CRAMP1: variants seen among roughly 807,000 people sequenced by gnomAD.
CRAMP1 encodes protein cramped-like.
Under a neutral mutation model 115.4 loss-of-function variants are expected in CRAMP1, and 50 were observed. That is an observed-to-expected ratio of 0.43 (90% CI 0.35 to 0.55). CRAMP1 has a LOEUF of 0.55. Among genes scored for constraint, CRAMP1 ranks in the 20% least tolerant of loss-of-function variants. CRAMP1 has a pLI of 0.01. For synonymous variants in CRAMP1, 866 were observed against 745.4 expected (o/e 1.16, Z -2.64); for missense variants, 1,679 against 1,721.7 (o/e 0.98, Z 0.44).
In CRAMP1 at chr16:1,642,235, T is replaced by A. The variant is rs11645289; in HGVS notation, c.827+1048T>A. On this transcript the variant is annotated intron_variant, in intron 6 of 20. Coordinates refer to ENST00000397412, the MANE Select transcript of CRAMP1 (RefSeq NM_020825.4). ...TCACCCTTGGACCTCTGGTTGCTTT[T>A]CCCCTTGGCCCTTCTCCCCCAGGCT... 6.9e-4 allele frequency among the ~76,000 whole-genome samples: 105 copies of A among 152,332 alleles called. 1 individual carries two copies. Among genetic ancestry groups the A allele is most frequent in the Non-Finnish European group, 1.3e-3 (88 of 68,032 alleles).
chr16:1,642,918 C>T lies in CRAMP1; in HGVS notation c.827+1731C>T, dbSNP rs550794320. ...ACACAGATGTGCTGCCCAGCGGGGG[C>T]GTGGTGGGCACCTGCAGCGCCATCC... On this transcript the variant is annotated intron_variant, in intron 6 of 20. Transcript: ENST00000397412. Among the ~76,000 whole-genome samples, 7 of 152,300 alleles carry T rather than the reference C, an allele frequency of 4.6e-5. No homozygotes were observed. The East Asian group carries it at 5.8e-4, about 13-fold the overall frequency.
At chr16:1,615,689 T>G (rs1440263300) in intron 2 of CRAMP1, among the ~76,000 whole-genome samples, 1 of 152,218 alleles carries the variant, frequency 6.6e-6, no homozygotes, top group Non-Finnish European at 1.5e-5. Context: ...AACGGCATGT[T>G]AGTTTCGTTC....
chr16:1,662,380 C>A, intron 11 of CRAMP1, 110 bp from the exon 12 acceptor site: 1 of 833,656 alleles, frequency 1.2e-6, no homozygotes. Flanking sequence ...GGCAGCCGAA[C>A]GGGTTGCCAA....
At chr16:1,652,611 A>T (rs757612952) in intron 7 of CRAMP1, 30 bp downstream of exon 7, 2 of 1,535,816 alleles carry the variant, frequency 1.3e-6, no homozygotes, top group South Asian at 2.4e-5. Flanking sequence ...CCGGGACCAG[A>T]GGCGGTGCCC....
intron 8 of CRAMP1, among the ~76,000 whole-genome samples, chr16:1,654,168 G>A (rs1461806443): frequency 6.6e-6 from 1 of 151,070 alleles, no homozygotes; most frequent in East Asian, 1.9e-4. Flanking sequence ...AAAAAATTGA[G>A]GTAAAATTCA....
intron 6 of CRAMP1, among the ~76,000 whole-genome samples, chr16:1,649,272 CTCAG>C (rs2142192748): frequency 6.6e-6 from 1 of 152,210 alleles, no homozygotes; most frequent in African/African-American, 2.4e-5. Flanking sequence ...ACTGAAGGCA[CTCAG>C]TCAGTAGTTG....
intron 4 of CRAMP1, among the ~76,000 whole-genome samples, chr16:1,636,733 A>C (rs1034117895): frequency 5.3e-5 from 8 of 152,362 alleles, no homozygotes; most frequent in Middle Eastern, 6.8e-3. Context: ...GCAGTGGCCC[A>C]AGCGCCTCAG....
intron 4 of CRAMP1, among the ~76,000 whole-genome samples, chr16:1,632,994 A>G (rs928120714): frequency 6.6e-6 from 1 of 152,118 alleles, no homozygotes; most frequent in Non-Finnish European, 1.5e-5. Flanking sequence ...CCAGCAGCGC[A>G]CCTGTGCTGG....
intron 19 of CRAMP1, 111 bp from the exon 20 acceptor site, chr16:1,670,552 CG>C (rs1234015869): frequency 1.7e-6 from 2 of 1,167,338 alleles, no homozygotes; most frequent in Non-Finnish European, 2.5e-6. Context: ...GGATTGGGGC[CG>C]GGGCCGGGGC....
At chr16:1,643,811 G>A (rs959893124) in intron 6 of CRAMP1, among the ~76,000 whole-genome samples, 3 of 152,248 alleles carry the variant, frequency 2.0e-5, no homozygotes, top group Non-Finnish European at 2.9e-5. Flanking sequence ...CCTCCAGGCC[G>A]CGTGTTGGGC....
intron 1 of CRAMP1, among the ~76,000 whole-genome samples, chr16:1,613,645 C>T (rs1177826233): frequency 2.6e-5 from 4 of 152,160 alleles, no homozygotes; most frequent in African/African-American, 7.2e-5. Flanking sequence ...CATTTTTAGT[C>T]ACTGCACTTT....
In CRAMP1 at chr16:1,669,823, C is replaced by T. The variant is rs532362624; in HGVS notation, c.3499+658C>T. Reference sequence around the variant, plus strand: ...GGCCAGGGCTTGTGGCTGGGCACATCAGGCATGGCGGGTACCATGCCTGAC... The same window carrying T: ...GGCCAGGGCTTGTGGCTGGGCACATTAGGCATGGCGGGTACCATGCCTGAC... On this transcript the variant is annotated intron_variant, in intron 19 of 20. Coordinates refer to ENST00000397412, the MANE Select transcript of CRAMP1 (RefSeq NM_020825.4). The surrounding 1 kb of genome is among the most constrained non-coding windows in gnomAD (Gnocchi z 4.6). Among the ~76,000 whole-genome samples, 14 of 152,330 alleles carry T rather than the reference C, an allele frequency of 9.2e-5. No homozygotes were observed. Among genetic ancestry groups the T allele is most frequent in the Non-Finnish European group, 1.9e-4 (13 of 68,026 alleles).
In CRAMP1 at chr16:1,641,198, G is replaced by T; in HGVS notation, c.827+11G>T. 1 of 1,596,410 alleles carries T rather than the reference G, an allele frequency of 6.3e-7. No individual in the cohort carries two copies. Among genetic ancestry groups the T allele is most frequent in the Non-Finnish European group, 8.6e-7 (1 of 1,164,158 alleles). ...ACTCATTCAGGTTGGGTAAGTCCCAGTTTCCATGTGAAACATCACTTCTCT... is the reference window on the plus strand; with the variant it reads ...ACTCATTCAGGTTGGGTAAGTCCCATTTTCCATGTGAAACATCACTTCTCT... On this transcript the variant is annotated intron_variant, in intron 6 of 20. Coordinates refer to ENST00000397412, the MANE Select transcript of CRAMP1 (RefSeq NM_020825.4).
chr16:1,639,079 G>A (rs1057143171), intron 5 of CRAMP1, among the ~76,000 whole-genome samples: 1 of 151,864 alleles, frequency 6.6e-6, no homozygotes, highest in Non-Finnish European at 1.5e-5. Flanking sequence ...AGGAGTTTAC[G>A]CCACAGCTCT....
rs755514970 is a variant in CRAMP1, at chr16:1,666,579, A to C, written c.3015A>C (p.Gly1005=). The C allele has an allele frequency of 3.1e-6, 5 of 1,613,716 alleles. No individual in the cohort carries two copies. The African/African-American group carries it at 6.7e-5, about 22-fold the overall frequency. ...GQDSTGTHQD[G]DTLPTVGGSD... ...ACTCTACTGGAACTCACCAGGATGG[A>C]GACACCCTCCCCACCGTGGGGGTGA... Residue 1005 remains glycine, a synonymous_variant, in exon 16 of 21, where the codon GGA becomes GGC. Transcript: ENST00000397412. This position sits in a 1 kb window ranked among gnomAD's most constrained non-coding sequence, Gnocchi z 5.0.
chr16:1,660,879 G>T (rs1398081321), intron 11 of CRAMP1, among the ~76,000 whole-genome samples: 1 of 152,108 alleles, frequency 6.6e-6, no homozygotes, highest in African/African-American at 2.4e-5. Context: ...GTGGTGGTGC[G>T]CGCCTGTTAA....
intron 8 of CRAMP1, among the ~76,000 whole-genome samples, chr16:1,654,592 C>T (rs1208469749): frequency 6.6e-6 from 1 of 152,160 alleles, no homozygotes; most frequent in Non-Finnish European, 1.5e-5. Context: ...CTGTCCAGCT[C>T]CAGAGCATTT....
intron 11 of CRAMP1, among the ~76,000 whole-genome samples, chr16:1,662,261 G>C (rs1273049275): frequency 6.6e-6 from 1 of 152,210 alleles, no homozygotes; most frequent in Non-Finnish European, 1.5e-5. Flanking sequence ...AAGTGCTTTT[G>C]TCCTATCCAG....
At position 1,656,670 on chromosome 16, in the gene CRAMP1, A is replaced by G; in HGVS notation, c.1913A>G (p.Glu638Gly). 1 of 1,569,660 alleles carries G rather than the reference A, an allele frequency of 6.4e-7. No individual in the cohort carries two copies. The highest frequency in any genetic ancestry group is 8.6e-7 in the Non-Finnish European group (1 of 1,158,592). The part of the protein sequence containing the change: ...CTKDLADAPA[E>G]ELQEKGSPAG... ...AAAGACTTGGCAGATGCACCTGCGG[A>G]GGAGCTCCAGGAGAAGGGGAGCCCC... Residue 638 changes from glutamate (E) to glycine (G), a missense_variant, in exon 10 of 21, where the codon GAG becomes GGG. Physicochemically the swap from Glu to Gly is moderately conservative, Grantham distance 98. Around this residue, in one of 8 missense-constraint regions of CRAMP1, gnomAD observed 405 missense variants for 302.6 expected, o/e 1.34. Coordinates refer to ENST00000397412, the MANE Select transcript of CRAMP1 (RefSeq NM_020825.4). The surrounding 1 kb of genome is among the most constrained non-coding windows in gnomAD (Gnocchi z 5.6).
Sources: allele counts gnomAD v4.1 joint callset (sites outside exome capture counted in the v4.1 genomes callset), GRCh38; gene constraint gnomAD v4.1.1; regional missense constraint gnomAD v4.1.1; non-coding constraint Gnocchi (gnomAD v3.1); transcripts MANE v1.5; gene names NCBI Gene and HGNC (gene_info 2026-07-23, HGNC 2026-07-21).